ATAD1: variants seen among roughly 807,000 people sequenced by gnomAD.
The protein encoded by ATAD1 is ATPase family AAA domain containing 1, also known as outer mitochondrial transmembrane helix translocase.
Under a neutral mutation model 42.7 loss-of-function variants are expected in ATAD1, and 18 were observed. That is an observed-to-expected ratio of 0.42 (90% CI 0.29 to 0.63). ATAD1 has a LOEUF of 0.63. Among genes scored for constraint, ATAD1 ranks in the 20% least tolerant of loss-of-function variants. The probability of loss-of-function intolerance (pLI) is 0.19; values close to 1 mark genes in which losing one functional copy is unlikely to be tolerated. For synonymous variants in ATAD1, 132 were observed against 143.1 expected, an observed-to-expected ratio of 0.92 and a Z score of 0.55; for missense variants, 294 against 440.4, an observed-to-expected ratio of 0.67 and a Z score of 2.98.
At chr10:87,818,543 G>C (rs143081249), upstream of ATAD1, 1 of 152,470 alleles carries the variant, frequency 6.6e-6, no homozygotes, top group Non-Finnish European at 1.5e-5. Context: ...CAGCCTTCTT[G>C]AGAGTGCAGA....
At chr10:87,800,535 T>A (rs1403889245) in intron 2 of ATAD1, among the ~76,000 whole-genome samples, 1 of 152,178 alleles carries the variant, frequency 6.6e-6, no homozygotes, top group African/African-American at 2.4e-5. Context: ...TGGTCTAACA[T>A]ATTTTATGGT....
intron 8 of ATAD1, among the ~76,000 whole-genome samples, chr10:87,759,292 G>A (rs1308578731): frequency 2.0e-5 from 3 of 152,012 alleles, no homozygotes; most frequent in Non-Finnish European, 4.4e-5. Flanking sequence ...CTCCTGGACA[G>A]CAGGTTACCA....
chr10:87,839,179 A>G (rs1359901638), intron 1 of ATAD1, among the ~76,000 whole-genome samples: 2 of 152,192 alleles, frequency 1.3e-5, no homozygotes, highest in Non-Finnish European at 2.9e-5. Context: ...CACTTCAAAT[A>G]TATATATTTT....
At chr10:87,792,631 TCTTA>T in intron 3 of ATAD1, 22 bp downstream of exon 3, 5 of 616,706 alleles carry the variant, frequency 8.1e-6, no homozygotes, top group Non-Finnish European at 1.4e-5. Context: ...TCTAAAAAAA[TCTTA>T]AATAAGATTA....
chr10:87,818,241 C>G, upstream of ATAD1: 2 of 985,508 alleles, frequency 2.0e-6, no homozygotes, highest in Non-Finnish European at 2.4e-6. Context: ...TGGGAGAGAA[C>G]GCTTCCGGCG....
intron 2 of ATAD1, among the ~76,000 whole-genome samples, chr10:87,804,022 C>T (rs1275994513): frequency 6.6e-6 from 1 of 152,184 alleles, no homozygotes; most frequent in African/African-American, 2.4e-5. Flanking sequence ...GGTTTAAAAG[C>T]CACTTGACTG....
intron 1 of ATAD1, among the ~76,000 whole-genome samples, chr10:87,835,355 G>T (rs192822405): frequency 2.0e-5 from 3 of 152,130 alleles, no homozygotes; most frequent in Admixed American, 2.0e-4. Context: ...TTGTAGATTT[G>T]TCTGTTTCTC....
chr10:87,779,211 T>A lies in ATAD1; in HGVS notation c.584-2784A>T, dbSNP rs899983344. Among the ~76,000 whole-genome samples the A allele has an allele frequency of 3.3e-5, 5 of 152,152 alleles. No homozygotes were observed. The East Asian group carries it at 9.6e-4, about 29-fold the overall frequency. On this transcript the variant is annotated intron_variant, in intron 5 of 9. Transcript: ENST00000680024. The stretch of plus-strand genomic sequence containing the variant: ...TACTTGGGAGGCTGAGGCAGGAGAA[T>A]CACTTGAATCCAGGAGACAGAGGTT...
At chr10:87,765,711 G>T (rs1371490900) in intron 8 of ATAD1, among the ~76,000 whole-genome samples, 1 of 152,044 alleles carries the variant, frequency 6.6e-6, no homozygotes. Context: ...CATCCCTAAA[G>T]AATGCAAATT....
intron 8 of ATAD1, among the ~76,000 whole-genome samples, chr10:87,764,413 G>T (rs1265785504): frequency 6.6e-6 from 1 of 152,110 alleles, no homozygotes; most frequent in East Asian, 1.9e-4. Flanking sequence ...AGTGAGCAGA[G>T]ATCACGCCAC....
At chr10:87,815,637 C>G (rs894402857) in intron 1 of ATAD1, among the ~76,000 whole-genome samples, 4 of 152,008 alleles carry the variant, frequency 2.6e-5, no homozygotes, top group African/African-American at 9.7e-5. Flanking sequence ...CTAAAATTCT[C>G]CTCTCACTAC....
Position 87,831,209 on chromosome 10 carries a change from GTCA to G in ATAD1, c.-14+9975_-14+9977del, listed in dbSNP as rs1248619080. 6.6e-5 allele frequency among the ~76,000 whole-genome samples: 10 copies of G among 152,296 alleles called. No homozygotes were observed. The East Asian group carries it at 1.3e-3, about 21-fold the overall frequency. On this transcript the variant is annotated intron_variant, in intron 1 of 4. Coordinates refer to the ATAD1 transcript ENST00000495903. Reference sequence around the variant, plus strand: ...CATTTTAGAAATGACTGTGTTTGTTGTCATCATAATTATCTCACCAAGTGGTCA... The same window carrying G: ...CATTTTAGAAATGACTGTGTTTGTTGTCATAATTATCTCACCAAGTGGTCA...
intron 1 of ATAD1, among the ~76,000 whole-genome samples, chr10:87,823,446 G>A (rs1421237288): frequency 6.6e-6 from 1 of 152,174 alleles, no homozygotes; most frequent in Non-Finnish European, 1.5e-5. Flanking sequence ...TGCTTCAGAT[G>A]TCTAACCCTA....
chr10:87,791,454 T>TG (rs1415184850), intron 3 of ATAD1, among the ~76,000 whole-genome samples: 1 of 134,416 alleles, frequency 7.4e-6, no homozygotes, highest in African/African-American at 2.7e-5. Context: ...CAGCCAGATC[T>TG]GAAAAAAAAA....
intron 5 of ATAD1, among the ~76,000 whole-genome samples, chr10:87,783,844 A>G (rs1306771592): frequency 2.0e-5 from 3 of 151,948 alleles, no homozygotes; most frequent in Non-Finnish European, 2.9e-5. Flanking sequence ...TTATGGGGAT[A>G]GTGAAGGTAT....
chr10:87,831,587 A>G (rs10788567), intron 1 of ATAD1, among the ~76,000 whole-genome samples: 41,068 of 152,070 alleles, frequency 0.27, 6,408 homozygotes, highest in Non-Finnish European at 0.35. Context: ...ATTCTTCACT[A>G]GAGTTTGGGT....
chr10:87,809,680 G>A (rs1857091594), intron 2 of ATAD1, among the ~76,000 whole-genome samples: 1 of 148,788 alleles, frequency 6.7e-6, no homozygotes, highest in Admixed American at 6.7e-5. Flanking sequence ...TTTTGAGATG[G>A]AGTTTCTCTC....
At chr10:87,834,664 C>T (rs533447646) in intron 1 of ATAD1, among the ~76,000 whole-genome samples, 13 of 152,104 alleles carry the variant, frequency 8.5e-5, no homozygotes, top group African/African-American at 2.2e-4. Context: ...GTCTTTTCTT[C>T]GTAATCTTGC....
intron 8 of ATAD1, among the ~76,000 whole-genome samples, chr10:87,761,725 C>T (rs112593210): frequency 0.021 from 3,142 of 152,026 alleles, 50 homozygotes; most frequent in Non-Finnish European, 0.033. Flanking sequence ...ACTAAGAAAG[C>T]AGAATACTGA....
Sources: gnomAD v4.1 joint callset for allele counts (sites outside exome capture counted in the v4.1 genomes callset) on GRCh38, gnomAD v4.1.1 for gene constraint, MANE v1.5 for transcripts, NCBI Gene and HGNC (gene_info 2026-07-23, HGNC 2026-07-21) for gene names.